OR8B2: variants seen among roughly 807,000 people sequenced by gnomAD.
OR8B2 encodes olfactory receptor family 8 subfamily B member 2, also known as olfactory receptor 8B2.
For missense variants in OR8B2, 304 were observed against 379.6 expected (o/e 0.80, Z 1.65); for synonymous variants, 98 against 138.2 (o/e 0.71, Z 2.04).
the OR8B2 span, among the ~76,000 whole-genome samples, chr11:124,390,434 C>T: frequency 1.3e-5 from 2 of 152,238 alleles, no homozygotes; most frequent in South Asian, 2.1e-4. Context: ...ACATAAAATA[C>T]ACTAGCACCA....
the OR8B2 span, among the ~76,000 whole-genome samples, chr11:124,393,815 T>C: frequency 3.8e-4 from 57 of 151,344 alleles, 1 homozygote; most frequent in Middle Eastern, 3.4e-3. Flanking sequence ...CGTATGTTTA[T>C]TGTGGCACTA....
the OR8B2 span, among the ~76,000 whole-genome samples, chr11:124,392,733 T>C: frequency 0.21 from 25,349 of 120,384 alleles, 606 homozygotes; most frequent in South Asian, 0.24. Context: ...AAGCTACCAA[T>C]GACTTTCTTC....
the OR8B2 span, chr11:124,396,289 G>A: frequency 8.8e-6 from 8 of 904,926 alleles, no homozygotes; most frequent in Non-Finnish European, 1.1e-5. Flanking sequence ...TAAGAGAAAT[G>A]ATAAGACAAG....
chr11:124,396,530 A>T, the OR8B2 span: 8 of 1,613,980 alleles, frequency 5.0e-6, no homozygotes, highest in Admixed American at 5.0e-5. Context: ...TGTAGAAAAC[A>T]GAAGAAACTT....
At chr11:124,386,620 G>A (rs1452065819), upstream of OR8B2, among the ~76,000 whole-genome samples, 1 of 151,448 alleles carries the variant, frequency 6.6e-6, no homozygotes, top group Admixed American at 6.6e-5. Flanking sequence ...GTATTCCATG[G>A]TGTACACGTG....
chr11:124,385,561 G>A (rs867609869), upstream of OR8B2, among the ~76,000 whole-genome samples: 2 of 140,406 alleles, frequency 1.4e-5, no homozygotes, highest in Admixed American at 7.2e-5. Flanking sequence ...TGAATCCTAT[G>A]TACCTATTTA....
chr11:124,390,889 G>A, the OR8B2 span, among the ~76,000 whole-genome samples: 1 of 151,898 alleles, frequency 6.6e-6, no homozygotes, highest in Non-Finnish European at 1.5e-5. Flanking sequence ...AATGGTTTTG[G>A]TCCATCTTTA....
upstream of OR8B2, among the ~76,000 whole-genome samples, chr11:124,385,387 A>C (rs1234132557): frequency 6.6e-6 from 1 of 152,162 alleles, no homozygotes; most frequent in Non-Finnish European, 1.5e-5. Flanking sequence ...GCTTCCTCAC[A>C]CAGAGACATC....
chr11:124,396,409 A>T, the OR8B2 span: 1 of 1,592,016 alleles, frequency 6.3e-7, no homozygotes, highest in East Asian at 2.2e-5. Flanking sequence ...ACTGCTTCTA[A>T]TTAGAATATA....
upstream of OR8B2, among the ~76,000 whole-genome samples, chr11:124,385,947 T>G (rs1860693386): frequency 6.6e-6 from 1 of 152,164 alleles, no homozygotes; most frequent in African/African-American, 2.4e-5. Flanking sequence ...AATTAATTCT[T>G]AAACAGACTT....
chr11:124,383,137 A>C lies in OR8B2; in HGVS notation c.207T>G (p.Ile69Met), dbSNP rs1202915718. Residue 69 changes from isoleucine to methionine, a missense_variant, in exon 2 of 2, where the codon ATT becomes ATG. Transcript: ENST00000641451. ...TGAAAACAGAGGAGTAACAGAGATC[A>C]ATGAAGGAGAGATTGAAGAGGAAAT... ...MYYFLFNLSF[I>M]DLCYSSVFTP... 1 of 1,613,940 alleles carries C rather than the reference A, an allele frequency of 6.2e-7. No individual in the cohort carries two copies. The highest frequency in any genetic ancestry group is 1.3e-5 in the African/African-American group (1 of 75,056).
chr11:124,386,098 A>G (rs1860695231), upstream of OR8B2, among the ~76,000 whole-genome samples: 1 of 151,866 alleles, frequency 6.6e-6, no homozygotes, highest in African/African-American at 2.4e-5. Context: ...CAGATGTTGT[A>G]AGAATGCCAG....
At chr11:124,384,667 A>T (rs1860666883), upstream of OR8B2, among the ~76,000 whole-genome samples, 1 of 152,176 alleles carries the variant, frequency 6.6e-6, no homozygotes, top group Non-Finnish European at 1.5e-5. Context: ...CATTTGCTCA[A>T]GGCTCATAAT....
chr11:124,383,001 A>G lies in OR8B2; in HGVS notation c.343T>C (p.Leu115=). The G allele has an allele frequency of 6.2e-7, 1 of 1,613,800 alleles. No homozygotes were observed. Among genetic ancestry groups the G allele is most frequent in the African/African-American group, 1.3e-5 (1 of 75,030 alleles). ...TAGCGATCATATGCCATTGAAGTCA[A>G]CATGTAACATTCAGAGATGACGAAA... ...LFFVISECYM[L]TSMAYDRYVA... The change falls in exon 2 of 2, where the codon TTG becomes CTG. Residue 115 remains leucine, a synonymous_variant. Coordinates refer to ENST00000641451, the MANE Select transcript of OR8B2 (RefSeq NM_001005468.2).
chr11:124,396,774 T>C, the OR8B2 span: 12 of 1,613,656 alleles, frequency 7.4e-6, no homozygotes, highest in Middle Eastern at 3.3e-4. Flanking sequence ...CTCGTTGACA[T>C]AGGTGCTGGT....
chr11:124,396,995 T>G, the OR8B2 span: 1 of 1,613,762 alleles, frequency 6.2e-7, no homozygotes, highest in Admixed American at 1.7e-5. Context: ...AGCGATCATA[T>G]GCCATTGAGG....
At chr11:124,386,286 C>T (rs56374715), upstream of OR8B2, among the ~76,000 whole-genome samples, 47,431 of 147,450 alleles carry the variant, frequency 0.32, 7,639 homozygotes, top group African/African-American at 0.39. Context: ...CTTTAAGTTT[C>T]AGGGTACGTG....
At chr11:124,391,337 GA>G in the OR8B2 span, among the ~76,000 whole-genome samples, 1 of 150,924 alleles carries the variant, frequency 6.6e-6, no homozygotes, top group Admixed American at 6.6e-5. Context: ...CTGGTTTTTT[GA>G]AAGGATCAAT....
At chr11:124,396,009 CT>C in the OR8B2 span, 1 of 161,234 alleles carries the variant, frequency 6.2e-6, no homozygotes, top group African/African-American at 2.4e-5. Flanking sequence ...CTGCCTATAT[CT>C]GTAACAATGT....
Sources: allele counts gnomAD v4.1 joint callset (sites outside exome capture counted in the v4.1 genomes callset), GRCh38; gene constraint gnomAD v4.1.1; transcripts MANE v1.5; gene names NCBI Gene and HGNC (gene_info 2026-07-23, HGNC 2026-07-21).